FOCAD: variants seen among roughly 807,000 people sequenced by gnomAD.
FOCAD encodes focadhesin, also known as KIAA1797.
In FOCAD, 198 loss-of-function variants were observed where a neutral mutation model predicts 225.6. That is an observed-to-expected ratio of 0.88 (90% CI 0.78 to 0.99). The LOEUF (loss-of-function observed/expected upper bound fraction) is 0.99, where lower values mean the gene tolerates loss of function less well. Ranked by LOEUF, FOCAD falls within the 50% of genes least tolerant of loss-of-function variation. The pLI, the probability that FOCAD is intolerant of heterozygous loss-of-function variation, is 0.00. For missense variants in FOCAD, 2,713 were observed against 2,123.6 expected (o/e 1.28, Z -5.46); for synonymous variants, 897 against 755.0 (o/e 1.19, Z -3.08).
rs144172587 is a variant in FOCAD at position 20,774,773 on chromosome 9, T to C, written c.907-3908T>C. On this transcript the variant is annotated intron_variant, in intron 8 of 43. Transcript: ENST00000338382. ...AGGATACTAATGTCATTTAGAAGAATGAAAAGATTTTTGGTGAGGGAAGGT... is the reference window on the plus strand; with the variant it reads ...AGGATACTAATGTCATTTAGAAGAACGAAAAGATTTTTGGTGAGGGAAGGT... Among the ~76,000 whole-genome samples, 466 of 152,252 alleles carry C rather than the reference T, an allele frequency of 3.1e-3. 1 individual carries two copies. The highest frequency in any genetic ancestry group is 5.4e-3 in the Non-Finnish European group (370 of 68,030).
chr9:20,923,885 T>G, intron 25 of FOCAD, 117 bp downstream of exon 25: 2 of 728,714 alleles, frequency 2.7e-6, no homozygotes, highest in Non-Finnish European at 4.8e-6. Context: ...CAAGTTATAG[T>G]ACTTGATGGG....
At chr9:20,845,287 A>G (rs1036515715) in intron 15 of FOCAD, among the ~76,000 whole-genome samples, 2 of 151,968 alleles carry the variant, frequency 1.3e-5, no homozygotes, top group African/African-American at 4.8e-5. Flanking sequence ...CACTATCCAG[A>G]TATAACTCTG....
intron 2 of FOCAD, among the ~76,000 whole-genome samples, chr9:20,664,656 T>C (rs1369635851): frequency 2.1e-4 from 31 of 150,516 alleles, no homozygotes; most frequent in African/African-American, 7.1e-4. Context: ...TTTTTTTTTT[T>C]CTCATGGAGA....
intron 22 of FOCAD, among the ~76,000 whole-genome samples, chr9:20,911,191 G>C (rs531930222): frequency 6.6e-6 from 1 of 152,078 alleles, no homozygotes; most frequent in South Asian, 2.1e-4. Context: ...AAGAAACAAA[G>C]GGGAGAATGA....
chr9:20,983,646 A>ATC (rs1348546257), intron 39 of FOCAD, among the ~76,000 whole-genome samples: 1 of 152,158 alleles, frequency 6.6e-6, no homozygotes, highest in Non-Finnish European at 1.5e-5. Flanking sequence ...GAGAAGCAAC[A>ATC]TAAGAAAATA....
At chr9:20,978,555 G>A in intron 37 of FOCAD, 101 bp downstream of exon 37, 2 of 727,672 alleles carry the variant, frequency 2.7e-6, no homozygotes, top group East Asian at 3.1e-5. Flanking sequence ...AGAGGAGACA[G>A]ATGAGATCTT....
At chr9:20,813,223 T>C (rs1823277283) in intron 11 of FOCAD, among the ~76,000 whole-genome samples, 1 of 152,182 alleles carries the variant, frequency 6.6e-6, no homozygotes, top group African/African-American at 2.4e-5. Context: ...TAATATTCCA[T>C]TGTATGCATA....
At chr9:20,746,609 A>G (rs1828057402) in intron 5 of FOCAD, among the ~76,000 whole-genome samples, 1 of 152,216 alleles carries the variant, frequency 6.6e-6, no homozygotes, top group East Asian at 1.9e-4. Flanking sequence ...TGTATAATTA[A>G]TAAAAACCAT....
chr9:20,979,606 T>G (rs1840511519), intron 37 of FOCAD, among the ~76,000 whole-genome samples: 1 of 152,194 alleles, frequency 6.6e-6, no homozygotes, highest in Non-Finnish European at 1.5e-5. Flanking sequence ...CCCAAAGTGC[T>G]GGGATTACAG....
At chr9:20,695,136 C>G (rs1383531195) in intron 1 of FOCAD, among the ~76,000 whole-genome samples, 3 of 152,132 alleles carry the variant, frequency 2.0e-5, no homozygotes, top group African/African-American at 4.8e-5. Context: ...GTTCCTGTAT[C>G]TCATATATTT....
rs143827982 is a variant in FOCAD, at chr9:20,944,697, G to A, written c.3478G>A (p.Val1160Ile). ...MSHSSQMQSR[V>I]HVAALLRKLS... Reference sequence around the variant, plus strand: ...CCACAGCAGCCAAATGCAGTCCCGCGTTCACGTAGCAGCATTGCTCCGGAA... The same window carrying A: ...CCACAGCAGCCAAATGCAGTCCCGCATTCACGTAGCAGCATTGCTCCGGAA... Residue 1160 changes from valine to isoleucine, a missense_variant, in exon 29 of 44, where the codon GTT becomes ATT. Val to Ile is a conservative substitution (Grantham distance 29). Transcript: ENST00000338382. The A allele has an allele frequency of 7.2e-4, 1,157 of 1,614,094 alleles. 5 individuals are homozygous for A. In the African/African-American group the frequency reaches 0.013, roughly 19 times the overall value.
chr9:20,810,393 A>C (rs184272698), intron 11 of FOCAD, among the ~76,000 whole-genome samples: 1 of 152,144 alleles, frequency 6.6e-6, no homozygotes, highest in South Asian at 2.1e-4. Context: ...TGACAGACAT[A>C]GTAGTAGAAA....
chr9:20,940,249 T>C (rs922378418), intron 28 of FOCAD, among the ~76,000 whole-genome samples: 4 of 151,564 alleles, frequency 2.6e-5, no homozygotes, highest in East Asian at 1.9e-4. Context: ...TCATTACTAA[T>C]GCTCTCTAGG....
At chr9:20,834,838 A>C (rs2026994) in intron 15 of FOCAD, among the ~76,000 whole-genome samples, 1 of 151,930 alleles carries the variant, frequency 6.6e-6, no homozygotes, top group African/African-American at 2.4e-5. Context: ...GCTAATCCCA[A>C]TTGTGATGTG....
At chr9:20,938,591 A>C (rs1261149799) in intron 28 of FOCAD, among the ~76,000 whole-genome samples, 1 of 144,324 alleles carries the variant, frequency 6.9e-6, no homozygotes, top group Non-Finnish European at 1.5e-5. Context: ...GGGTGGGGGG[A>C]GTGGGGAGGG....
At chr9:20,981,838 C>A in intron 38 of FOCAD, 152 bp downstream of exon 38, 3 of 931,540 alleles carry the variant, frequency 3.2e-6, no homozygotes, top group Non-Finnish European at 4.7e-6. Context: ...TATTTGTTTC[C>A]AAGATCTAAA....
Position 20,982,631 on chromosome 9 carries a change from C to T in FOCAD, c.4728+185C>T, listed in dbSNP as rs375410286. ...GCCTACTAATGTGGTTGGTGCTTAA[C>T]AAATGTTGTATGGATGGATAGATGG... On this transcript the variant is annotated intron_variant, in intron 39 of 43. Transcript: ENST00000338382. Among the ~76,000 whole-genome samples, 8 of 152,292 alleles carry T rather than the reference C, an allele frequency of 5.3e-5. No individual in the cohort carries two copies. The East Asian group carries it at 7.7e-4, about 15-fold the overall frequency.
intron 19 of FOCAD, among the ~76,000 whole-genome samples, chr9:20,876,704 T>G (rs1407787181): frequency 6.6e-6 from 1 of 152,182 alleles, no homozygotes; most frequent in Non-Finnish European, 1.5e-5. Flanking sequence ...GTATAAAAAG[T>G]GTCCCTTTGA....
At chr9:20,683,484 T>G (rs1292916235), upstream of FOCAD, 1 of 152,166 alleles carries the variant, frequency 6.6e-6, no homozygotes, top group African/African-American at 2.4e-5. Flanking sequence ...CTGGCTCTTT[T>G]CAGCGTGTTT....
Sources: gnomAD v4.1 joint callset for allele counts (sites outside exome capture counted in the v4.1 genomes callset) on GRCh38, gnomAD v4.1.1 for gene constraint, MANE v1.5 for transcripts, NCBI Gene and HGNC (gene_info 2026-07-23, HGNC 2026-07-21) for gene names.